Variants in DYNC2I1 observed in about 807,000 individuals in gnomAD.
DYNC2I1 encodes the protein cytoplasmic dynein 2 intermediate chain 1.
A neutral mutation model predicts 133.4 loss-of-function variants in DYNC2I1; 89 were observed. That is an observed-to-expected ratio of 0.67 (90% confidence interval 0.56 to 0.80). DYNC2I1 has a LOEUF of 0.80. Ranked by LOEUF, DYNC2I1 falls within the 30% of genes least tolerant of loss-of-function variation. The probability of loss-of-function intolerance (pLI) is 0.00; values close to 1 mark genes in which losing one functional copy is unlikely to be tolerated. For missense variants in DYNC2I1, 1,291 were observed against 1,314.5 expected, an observed-to-expected ratio of 0.98 and a Z score of 0.28; for synonymous variants, 504 against 484.3, an observed-to-expected ratio of 1.04 and a Z score of -0.54.
chr7:158,872,708 A>G lies in DYNC2I1; in HGVS notation c.490+1146A>G, dbSNP rs61212889. ...AGCTAGAGTTTTACTATTAAAACAT[A>G]TTTTAGGGCCAGGCACAGTGCCTCA... is the stretch of plus-strand genomic sequence containing the variant. On this transcript the variant is annotated intron_variant, in intron 3 of 24. Transcript: ENST00000407559. 4.8e-3 allele frequency among the ~76,000 whole-genome samples: 723 copies of G among 151,272 alleles called. 7 individuals are homozygous for G. The highest frequency in any genetic ancestry group is 0.016 in the African/African-American group (677 of 41,198).
chr7:158,854,660 G>A (rs1407258009), upstream of DYNC2I1, among the ~76,000 whole-genome samples: 2 of 152,098 alleles, frequency 1.3e-5, no homozygotes, highest in African/African-American at 4.8e-5. Flanking sequence ...AAAAAGAGAA[G>A]GGGGTTTGTT....
At chr7:158,912,300 A>C (rs1847558316) in intron 12 of DYNC2I1, among the ~76,000 whole-genome samples, 1 of 152,178 alleles carries the variant, frequency 6.6e-6, no homozygotes. Flanking sequence ...AAAGATTTTG[A>C]AGTCAGACGT....
At chr7:158,952,783 C>T (rs1354124280) in intron 4 of DYNC2I1, among the ~76,000 whole-genome samples, 1 of 151,990 alleles carries the variant, frequency 6.6e-6, no homozygotes, top group Non-Finnish European at 1.5e-5. Context: ...CCAGCCGCGT[C>T]GTAAGACAGA....
chr7:158,889,887 C>T (rs899372412), intron 7 of DYNC2I1, among the ~76,000 whole-genome samples: 3 of 151,764 alleles, frequency 2.0e-5, no homozygotes, highest in East Asian at 1.9e-4. Context: ...CTCCTGTAAT[C>T]CCAAGCTACT....
chr7:158,914,954 T>C (rs954675044), intron 14 of DYNC2I1, among the ~76,000 whole-genome samples: 2 of 152,248 alleles, frequency 1.3e-5, no homozygotes, highest in Non-Finnish European at 2.9e-5. Flanking sequence ...GAAGTTGGCA[T>C]TCACATTTCG....
chr7:158,856,028 G>C (rs1286715524), upstream of DYNC2I1, among the ~76,000 whole-genome samples: 13 of 145,090 alleles, frequency 9.0e-5, no homozygotes, highest in Admixed American at 9.4e-4. Context: ...TGCAAGCTCC[G>C]TCTCCCAGGT....
chr7:158,865,433 G>A (rs1465131409), intron 1 of DYNC2I1, among the ~76,000 whole-genome samples: 2 of 152,234 alleles, frequency 1.3e-5, no homozygotes, highest in Non-Finnish European at 2.9e-5. Context: ...TTTAGTTGAT[G>A]TAAATCGAGC....
At chr7:158,903,206 A>T (rs1018910308) in intron 10 of DYNC2I1, 2 of 152,152 alleles carry the variant, frequency 1.3e-5, no homozygotes, top group African/African-American at 4.8e-5. Flanking sequence ...CATGCTCTTG[A>T]TCCATTCTTT....
At chr7:158,899,620 G>T (rs918417315) in intron 8 of DYNC2I1, among the ~76,000 whole-genome samples, 25 of 152,166 alleles carry the variant, frequency 1.6e-4, no homozygotes, top group Non-Finnish European at 2.9e-5. Context: ...GGACCCAGGG[G>T]GAGGTAATTG....
At chr7:158,872,553 T>G (rs1312555756) in intron 3 of DYNC2I1, among the ~76,000 whole-genome samples, 1 of 152,086 alleles carries the variant, frequency 6.6e-6, no homozygotes, top group African/African-American at 2.4e-5. Flanking sequence ...GGGAATTGCT[T>G]GAACCAGGGA....
chr7:158,862,635 T>G lies in DYNC2I1; in HGVS notation c.15+5885T>G, dbSNP rs189755405. 2.7e-3 allele frequency among the ~76,000 whole-genome samples: 407 copies of G among 151,940 alleles called. 1 individual carries two copies. The highest frequency in any genetic ancestry group is 8.9e-3 in the African/African-American group (369 of 41,410). ...CTCAGGAGGCTGAGGTGGGAGGATTTCTTGAGCACAGGAGGTCAAGGCTGT... is the reference window on the plus strand; with the variant it reads ...CTCAGGAGGCTGAGGTGGGAGGATTGCTTGAGCACAGGAGGTCAAGGCTGT... On this transcript the variant is annotated intron_variant, in intron 1 of 24. Coordinates refer to ENST00000407559, the MANE Select transcript of DYNC2I1 (RefSeq NM_018051.5).
intron 23 of DYNC2I1, among the ~76,000 whole-genome samples, chr7:158,941,301 G>T (rs1467627547): frequency 6.6e-6 from 1 of 152,044 alleles, no homozygotes; most frequent in South Asian, 2.1e-4. Context: ...TTTTTAAAAG[G>T]TGCCATATTT....
intron 1 of DYNC2I1, among the ~76,000 whole-genome samples, chr7:158,867,018 G>GT (rs35720744): frequency 0.026 from 3,170 of 121,108 alleles, 123 homozygotes; most frequent in East Asian, 0.16. Flanking sequence ...GACTAAATCT[G>GT]TTTTTTTTTT....
intron 4 of DYNC2I1, among the ~76,000 whole-genome samples, chr7:158,952,500 TAAG>T (rs1852083092): frequency 6.6e-6 from 1 of 152,106 alleles, no homozygotes; most frequent in Non-Finnish European, 1.5e-5. Flanking sequence ...TTTTGCTCTT[TAAG>T]GAGGTGGTTT....
At chr7:158,917,267 T>A (rs1204340825) in intron 14 of DYNC2I1, among the ~76,000 whole-genome samples, 2 of 120,466 alleles carry the variant, frequency 1.7e-5, no homozygotes, top group Admixed American at 1.5e-4. Context: ...TAAGGATGAT[T>A]GTGAAACGTC....
intron 6 of DYNC2I1, among the ~76,000 whole-genome samples, chr7:158,886,526 T>A (rs1844619233): frequency 6.6e-6 from 1 of 152,236 alleles, no homozygotes; most frequent in Non-Finnish European, 1.5e-5. Flanking sequence ...GAATTATTGC[T>A]AAAATAGTAA....
the DYNC2I1 span, among the ~76,000 whole-genome samples, chr7:158,841,200 TATATATATATATA>T: frequency 1.0e-4 from 5 of 49,426 alleles, 1 homozygote; most frequent in Admixed American, 4.5e-4. Flanking sequence ...TATATATATA[TATATATATATATA>T]TATATATATT....
At chr7:158,861,831 G>C (rs545244223) in intron 1 of DYNC2I1, among the ~76,000 whole-genome samples, 3 of 152,280 alleles carry the variant, frequency 2.0e-5, no homozygotes, top group East Asian at 1.9e-4. Context: ...GATCATCCTA[G>C]TTTTCTTCGT....
intron 1 of DYNC2I1, among the ~76,000 whole-genome samples, chr7:158,864,118 T>C (rs844523): frequency 1.3e-5 from 1 of 79,782 alleles, no homozygotes; most frequent in Non-Finnish European, 2.6e-5. Context: ...TAGCTCCGGG[T>C]GTGGGGGGGG....
Sources: allele counts gnomAD v4.1 joint callset (sites outside exome capture counted in the v4.1 genomes callset), GRCh38; gene constraint gnomAD v4.1.1; transcripts MANE v1.5; gene names NCBI Gene and HGNC (gene_info 2026-07-23, HGNC 2026-07-21).